Variants in C3orf22 observed in about 807,000 individuals in gnomAD.
C3orf22 encodes chromosome 3 open reading frame 22, also known as uncharacterized protein C3orf22.
In C3orf22, 7 loss-of-function variants were observed where a neutral mutation model predicts 10.8. The ratio of observed to expected loss-of-function variants is 0.65; its 90% CI spans 0.37 to 1.22. The LOEUF (loss-of-function observed/expected upper bound fraction) is 1.22, where lower values mean the gene tolerates loss of function less well. Ranked by LOEUF, C3orf22 falls within the 50% of genes most tolerant of loss-of-function variation. The pLI is 0.02. For synonymous variants in C3orf22, 79 were observed against 78.9 expected (o/e 1.00, Z 0.00); for missense variants, 173 against 177.0 (o/e 0.98, Z 0.13).
At chr3:126,544,777 G>C (rs1937038361), downstream of C3orf22, among the ~76,000 whole-genome samples, 1 of 152,224 alleles carries the variant, frequency 6.6e-6, no homozygotes, top group Non-Finnish European at 1.5e-5. Flanking sequence ...CACACTCACA[G>C]TCCCTTGTGT....
intron 4 of C3orf22, among the ~76,000 whole-genome samples, chr3:126,536,001 C>A (rs892266368): frequency 6.6e-6 from 1 of 152,176 alleles, no homozygotes; most frequent in Non-Finnish European, 1.5e-5. Context: ...TATCACCTTC[C>A]CACTTGTCCC....
At chr3:126,548,447 G>A (rs746247267), downstream of C3orf22, among the ~76,000 whole-genome samples, 22 of 152,224 alleles carry the variant, frequency 1.4e-4, no homozygotes, top group Non-Finnish European at 3.1e-4. Context: ...GTAAACATGC[G>A]TTGCTGTATT....
intron 4 of C3orf22, among the ~76,000 whole-genome samples, chr3:126,544,278 C>T (rs913108708): frequency 6.6e-6 from 1 of 152,214 alleles, no homozygotes; most frequent in African/African-American, 2.4e-5. Context: ...CTGTCCAGAG[C>T]CCCTGTCAGC....
chr3:126,549,535 A>T, downstream of C3orf22: 1 of 726,232 alleles, frequency 1.4e-6, no homozygotes, highest in Non-Finnish European at 2.1e-6. Flanking sequence ...GCATTTACTT[A>T]CCTGTGTGAG....
intron 4 of C3orf22, among the ~76,000 whole-genome samples, chr3:126,543,696 GTATA>G (rs1937020661): frequency 6.6e-6 from 1 of 151,922 alleles, no homozygotes; most frequent in Admixed American, 6.6e-5. Flanking sequence ...GCATAAGTGA[GTATA>G]TGAGTGTAAG....
At chr3:126,548,443 A>G (rs1937105682), downstream of C3orf22, among the ~76,000 whole-genome samples, 1 of 152,224 alleles carries the variant, frequency 6.6e-6, no homozygotes, top group Admixed American at 6.5e-5. Flanking sequence ...CATGGTAAAC[A>G]TGCGTTGCTG....
At chr3:126,530,038 A>G (rs1240988425) in intron 4 of C3orf22, among the ~76,000 whole-genome samples, 1 of 152,174 alleles carries the variant, frequency 6.6e-6, no homozygotes, top group East Asian at 1.9e-4. Context: ...TGGATGCCCC[A>G]GTGTGGCCCT....
chr3:126,545,441 G>C (rs1479588223), downstream of C3orf22, among the ~76,000 whole-genome samples: 1 of 152,210 alleles, frequency 6.6e-6, no homozygotes, highest in Non-Finnish European at 1.5e-5. Flanking sequence ...TGCAGTTATG[G>C]GGTAGGGCTT....
Position 126,542,133 on chromosome 3 carries a change from C to A in C3orf22, c.286+7404G>T, listed in dbSNP as rs1397170241. The stretch of plus-strand genomic sequence containing the variant: ...AACAAGCTCGCGCGCCCCTACAGCG[C>A]CGCCTTCCAGAGGCGCTACGGTGCA... On this transcript the variant is annotated intron_variant and NMD_transcript_variant, in intron 4 of 5. Transcript: ENST00000505070. The A allele has an allele frequency of 3.2e-6, 5 of 1,567,338 alleles. No individual in the cohort carries two copies. In the Middle Eastern group the frequency reaches 5.1e-4, roughly 159 times the overall value.
At chr3:126,543,857 A>G (rs1424079914) in intron 4 of C3orf22, among the ~76,000 whole-genome samples, 4 of 151,740 alleles carry the variant, frequency 2.6e-5, no homozygotes, top group African/African-American at 4.8e-5. Context: ...GGGGTGGCCA[A>G]CTCCAGTGGA....
In C3orf22 at chr3:126,551,890, G is replaced by T. The variant is rs77217606; in HGVS notation, c.215+107C>A. ...TCAGTTTCCTCAGCTTTAAAGTGGC[G>T]CGTGCTGGGAGGATAACATGAACGT... On this transcript the variant is annotated intron_variant, in intron 3 of 3. Coordinates refer to ENST00000318225, the MANE Select transcript of C3orf22 (RefSeq NM_152533.3). The T allele has an allele frequency of 2.1e-5, 26 of 1,235,282 alleles. No individual in the cohort carries two copies. In the Admixed American group the frequency reaches 4.5e-4, roughly 21 times the overall value. The allele number at this position is 1,235,282 out of a possible 1,614,324, so 76.5% of individuals were successfully genotyped here.
At chr3:126,549,575 ACATT>A (rs1245142901), downstream of C3orf22, 1 of 1,133,402 alleles carries the variant, frequency 8.8e-7, no homozygotes, top group East Asian at 4.1e-5. Context: ...CCTAGAAGTG[ACATT>A]CATGCTCTTT....
downstream of C3orf22, among the ~76,000 whole-genome samples, chr3:126,546,364 A>C (rs1937067505): frequency 6.6e-6 from 1 of 152,212 alleles, no homozygotes; most frequent in African/African-American, 2.4e-5. Flanking sequence ...CTGGGCACCA[A>C]ATGCCCTCAG....
At chr3:126,543,128 C>T (rs1391209118) in intron 4 of C3orf22, 2 of 152,296 alleles carry the variant, frequency 1.3e-5, no homozygotes, top group Non-Finnish European at 2.9e-5. Flanking sequence ...TCCCACGCGG[C>T]TGGCCCTACC....
At chr3:126,547,150 A>G (rs546264424), downstream of C3orf22, among the ~76,000 whole-genome samples, 243 of 152,152 alleles carry the variant, frequency 1.6e-3, 1 homozygote, top group Non-Finnish European at 2.3e-3. Context: ...TTTGACTGTA[A>G]CTGCTCACAG....
chr3:126,550,625 C>T (rs890007375), intron 3 of C3orf22, among the ~76,000 whole-genome samples: 2 of 152,308 alleles, frequency 1.3e-5, no homozygotes, highest in South Asian at 2.1e-4. Context: ...TGTTTTGCTG[C>T]CATTTGACTG....
intron 4 of C3orf22, among the ~76,000 whole-genome samples, chr3:126,532,672 G>A (rs1377159335): frequency 1.3e-5 from 2 of 152,174 alleles, no homozygotes; most frequent in Admixed American, 1.3e-4. Context: ...TATTGTGGCT[G>A]TATAGTAAAG....
In C3orf22 at chr3:126,542,067, T is replaced by C. The variant is rs768920200; in HGVS notation, c.286+7470A>G. On this transcript the variant is annotated intron_variant and NMD_transcript_variant, in intron 4 of 5. Coordinates refer to the C3orf22 transcript ENST00000505070. ...CTGCGCGCCTACTTGGCCTTCCTGT[T>C]CGTGCGGGAGCCCTTCGAGCGCCTG... 4 of 1,582,530 alleles carry C rather than the reference T, an allele frequency of 2.5e-6. No homozygotes were observed. The South Asian group carries it at 3.4e-5, about 13-fold the overall frequency.
intron 5 of C3orf22, among the ~76,000 whole-genome samples, chr3:126,528,397 T>C (rs780258189): frequency 1.3e-5 from 2 of 152,086 alleles, no homozygotes; most frequent in African/African-American, 2.4e-5. Flanking sequence ...ACTCAAAAGA[T>C]TTCAGCAATA....
Sources: allele counts gnomAD v4.1 joint callset (sites outside exome capture counted in the v4.1 genomes callset), GRCh38; gene constraint gnomAD v4.1.1; transcripts MANE v1.5; gene names NCBI Gene and HGNC (gene_info 2026-07-23, HGNC 2026-07-21).